The following CTNNA3 variants were observed in gnomAD, a reference collection of about 807,000 sequenced individuals.
The protein encoded by CTNNA3 is catenin alpha-3.
CTNNA3 carries 76 observed loss-of-function variants against 95.7 expected under a neutral mutation model. The observed-to-expected ratio is 0.79, with a 90% CI of 0.66 to 0.96. The LOEUF is 0.96. Ranked by LOEUF, CTNNA3 falls within the 40% of genes least tolerant of loss-of-function variation. The probability of loss-of-function intolerance (pLI) is 0.00; values close to 1 mark genes in which losing one functional copy is unlikely to be tolerated. For missense variants in CTNNA3, 1,191 were observed against 1,089.8 expected, an observed-to-expected ratio of 1.09 and a Z score of -1.31; for synonymous variants, 431 against 374.4, an observed-to-expected ratio of 1.15 and a Z score of -1.74.
intron 10 of CTNNA3, among the ~76,000 whole-genome samples, chr10:66,558,975 C>A (rs1245799309): frequency 6.6e-6 from 1 of 152,108 alleles, no homozygotes. Flanking sequence ...GGTCTTCACT[C>A]TTCACATCTG....
intron 1 of CTNNA3, chr10:67,750,540 G>T: frequency 6.3e-7 from 1 of 1,577,722 alleles, no homozygotes; most frequent in South Asian, 1.1e-5. Flanking sequence ...TTCTTTGAGA[G>T]ACCCCTTGTG....
intron 3 of CTNNA3, among the ~76,000 whole-genome samples, chr10:67,564,681 A>G (rs183065204): frequency 0.072 from 2,117 of 29,366 alleles, 12 homozygotes; most frequent in East Asian, 0.34. Flanking sequence ...GTGTGTGTAT[A>G]TATATATATA....
intron 7 of CTNNA3, among the ~76,000 whole-genome samples, chr10:66,783,653 A>G (rs2132853594): frequency 6.6e-6 from 1 of 152,234 alleles, no homozygotes; most frequent in Non-Finnish European, 1.5e-5. Context: ...TATGGCAACG[A>G]CTTTGTCTAC....
At chr10:67,056,524 A>G (rs1855441410) in intron 7 of CTNNA3, among the ~76,000 whole-genome samples, 1 of 152,140 alleles carries the variant, frequency 6.6e-6, no homozygotes, top group Non-Finnish European at 1.5e-5. Flanking sequence ...TGTATCTGTA[A>G]ACACTGTACT....
At chr10:67,577,238 T>C (rs1842192805) in intron 3 of CTNNA3, among the ~76,000 whole-genome samples, 2 of 152,152 alleles carry the variant, frequency 1.3e-5, no homozygotes, top group South Asian at 4.1e-4. Flanking sequence ...TTTTTAATGA[T>C]CGCCATTCTA....
At chr10:67,274,518 T>C (rs572384799) in intron 5 of CTNNA3, among the ~76,000 whole-genome samples, 1 of 152,226 alleles carries the variant, frequency 6.6e-6, no homozygotes, top group South Asian at 2.1e-4. Flanking sequence ...ATACCACATC[T>C]CTTTTGGTAG....
intron 5 of CTNNA3, among the ~76,000 whole-genome samples, chr10:67,243,014 C>G (rs1865774589): frequency 6.6e-6 from 1 of 152,134 alleles, no homozygotes. Context: ...AAACTATTAG[C>G]CATATTCCCT....
At chr10:67,031,008 A>T (rs902297191) in intron 7 of CTNNA3, among the ~76,000 whole-genome samples, 6 of 152,128 alleles carry the variant, frequency 3.9e-5, no homozygotes, top group African/African-American at 9.7e-5. Context: ...CCGTCTCAAA[A>T]AAATAAATAA....
At chr10:67,581,775 G>T (rs924485635) in intron 3 of CTNNA3, among the ~76,000 whole-genome samples, 10 of 151,972 alleles carry the variant, frequency 6.6e-5, no homozygotes, top group Non-Finnish European at 1.5e-4. Context: ...ACTTCTTCCT[G>T]GTTTAGTCTT....
At chr10:67,497,356 C>A (rs1289344756) in intron 5 of CTNNA3, among the ~76,000 whole-genome samples, 1 of 152,034 alleles carries the variant, frequency 6.6e-6, no homozygotes, top group African/African-American at 2.4e-5. Flanking sequence ...GGTTAATTAC[C>A]AGTCTTTGCT....
intron 12 of CTNNA3, among the ~76,000 whole-genome samples, chr10:66,301,408 G>A (rs2091861536): frequency 6.6e-6 from 1 of 151,832 alleles, no homozygotes; most frequent in East Asian, 1.9e-4. Flanking sequence ...GAACATAAAT[G>A]CCAAGATTTT....
chr10:67,151,200 T>C (rs946159188), intron 7 of CTNNA3, among the ~76,000 whole-genome samples: 2 of 152,166 alleles, frequency 1.3e-5, no homozygotes, highest in Admixed American at 1.3e-4. Flanking sequence ...TCCCTCAAAA[T>C]AATTCAATTA....
At chr10:67,041,742 T>C (rs1199100626) in intron 7 of CTNNA3, among the ~76,000 whole-genome samples, 1 of 152,178 alleles carries the variant, frequency 6.6e-6, no homozygotes, top group Non-Finnish European at 1.5e-5. Flanking sequence ...TAGGCCTTGA[T>C]GACTCATAGA....
chr10:67,350,268 A>G (rs770523892), intron 5 of CTNNA3, among the ~76,000 whole-genome samples: 28 of 152,112 alleles, frequency 1.8e-4, no homozygotes, highest in Non-Finnish European at 3.7e-4. Flanking sequence ...TGAGAGAATC[A>G]GTAAAGGGTC....
At chr10:67,054,672 G>C (rs1263516050) in intron 7 of CTNNA3, 1 of 152,074 alleles carries the variant, frequency 6.6e-6, no homozygotes, top group Non-Finnish European at 1.5e-5. Context: ...TCACAAAGTG[G>C]GAGAGGCACT....
At chr10:66,673,994 T>A (rs1220806186) in intron 9 of CTNNA3, among the ~76,000 whole-genome samples, 1 of 147,720 alleles carries the variant, frequency 6.8e-6, no homozygotes, top group African/African-American at 2.5e-5. Context: ...TCTTTCATTA[T>A]CACTATACTA....
chr10:67,353,480 GT>G (rs1842707573), intron 5 of CTNNA3, among the ~76,000 whole-genome samples: 1 of 46,418 alleles, frequency 2.2e-5, no homozygotes, highest in South Asian at 4.8e-4. Context: ...TGTTATGCAC[GT>G]TACATAGTCT....
intron 9 of CTNNA3, among the ~76,000 whole-genome samples, chr10:66,737,953 G>C (rs577181803): frequency 6.6e-6 from 1 of 152,080 alleles, no homozygotes; most frequent in Admixed American, 6.5e-5. Context: ...CATCGCGCCC[G>C]GCCAAAATTT....
chr10:67,328,224 G>A (rs965096791), intron 5 of CTNNA3, among the ~76,000 whole-genome samples: 4 of 152,198 alleles, frequency 2.6e-5, no homozygotes, highest in African/African-American at 9.7e-5. Context: ...CATGGCTGTA[G>A]GGGCCATCCT....
Sources: gnomAD v4.1 joint callset for allele counts (sites outside exome capture counted in the v4.1 genomes callset) on GRCh38, gnomAD v4.1.1 for gene constraint, MANE v1.5 for transcripts, NCBI Gene and HGNC (gene_info 2026-07-23, HGNC 2026-07-21) for gene names.